Variants in SDK1 observed in about 807,000 individuals in gnomAD.
SDK1 encodes protein sidekick-1.
SDK1 carries 157 observed loss-of-function variants against 245.5 expected under a neutral mutation model. That is an observed-to-expected ratio of 0.64 (90% CI 0.56 to 0.73). The LOEUF (loss-of-function observed/expected upper bound fraction) is 0.73. Ranked by LOEUF, SDK1 falls within the 30% of genes least tolerant of loss-of-function variation. The pLI is 0.00. For missense variants in SDK1, 3,583 were observed against 3,002.3 expected, an observed-to-expected ratio of 1.19 and a Z score of -4.52; for synonymous variants, 1,647 against 1,278.5, an observed-to-expected ratio of 1.29 and a Z score of -6.15.
intron 34 of SDK1, among the ~76,000 whole-genome samples, chr7:4,176,321 C>T (rs530032871): frequency 6.6e-6 from 1 of 152,186 alleles, no homozygotes; most frequent in East Asian, 1.9e-4. Flanking sequence ...GCAACCATGC[C>T]TGGCTAATTG....
chr7:3,538,438 A>G (rs1329608694), intron 1 of SDK1, among the ~76,000 whole-genome samples: 4 of 151,898 alleles, frequency 2.6e-5, no homozygotes, highest in Non-Finnish European at 1.5e-5. Context: ...TATCCTCTTC[A>G]CTCTGAGGCA....
chr7:3,937,989 C>T (rs1009138938), intron 5 of SDK1, among the ~76,000 whole-genome samples: 1 of 152,172 alleles, frequency 6.6e-6, no homozygotes, highest in African/African-American at 2.4e-5. Flanking sequence ...AGGCACCTAC[C>T]ACCACGCCCG....
chr7:3,909,417 G>A lies in SDK1; in HGVS notation c.848-41506G>A, dbSNP rs189731603. Among the ~76,000 whole-genome samples the A allele has an allele frequency of 1.4e-4, 21 of 152,298 alleles. No homozygotes were observed. In the East Asian group the frequency reaches 3.9e-3, roughly 28 times the overall value. On this transcript the variant is annotated intron_variant, in intron 5 of 44. Coordinates refer to ENST00000404826, the MANE Select transcript of SDK1 (RefSeq NM_152744.4). ...AGCAGGGGTGGGTGGAGTAGCCTCTGCCCATCCTGAGGGACCTCCTCCGTC... is the reference window on the plus strand; with the variant it reads ...AGCAGGGGTGGGTGGAGTAGCCTCTACCCATCCTGAGGGACCTCCTCCGTC...
At chr7:3,542,481 G>A (rs988065766) in intron 1 of SDK1, among the ~76,000 whole-genome samples, 1 of 152,196 alleles carries the variant, frequency 6.6e-6, no homozygotes, top group Non-Finnish European at 1.5e-5. Context: ...ACCCAGGGAA[G>A]AGGGGCTGAA....
intron 5 of SDK1, among the ~76,000 whole-genome samples, chr7:3,905,378 C>T (rs1280945269): frequency 6.6e-6 from 1 of 152,104 alleles, no homozygotes; most frequent in Admixed American, 6.6e-5. Context: ...GTATATAAAA[C>T]TCTAGGTTGA....
At chr7:3,755,087 A>G (rs1779881743) in intron 4 of SDK1, among the ~76,000 whole-genome samples, 1 of 152,340 alleles carries the variant, frequency 6.6e-6, no homozygotes, top group South Asian at 2.1e-4. Context: ...CAAGGGAGCC[A>G]TCCTTTGCTC....
chr7:3,386,779 C>A (rs538083058), intron 1 of SDK1, among the ~76,000 whole-genome samples: 1 of 152,294 alleles, frequency 6.6e-6, no homozygotes, highest in Admixed American at 6.5e-5. Context: ...CTGCTGATGG[C>A]AGCTGCTATC....
At chr7:3,914,622 C>G (rs574565411) in intron 5 of SDK1, among the ~76,000 whole-genome samples, 27 of 152,314 alleles carry the variant, frequency 1.8e-4, no homozygotes, top group African/African-American at 6.5e-4. Context: ...TGTGCTCAGT[C>G]ATCTTTCCCA....
At chr7:3,522,230 A>G (rs1782963800) in intron 1 of SDK1, among the ~76,000 whole-genome samples, 1 of 152,016 alleles carries the variant, frequency 6.6e-6, no homozygotes, top group Non-Finnish European at 1.5e-5. Flanking sequence ...TGCTTCACAT[A>G]CTTTTCAGAT....
chr7:4,231,786 A>G (rs1301833463), intron 40 of SDK1, among the ~76,000 whole-genome samples: 2 of 152,180 alleles, frequency 1.3e-5, no homozygotes, highest in Non-Finnish European at 2.9e-5. Flanking sequence ...AGACAGATAC[A>G]ATAGCAATTT....
At chr7:3,694,387 C>G (rs545280584) in intron 4 of SDK1, among the ~76,000 whole-genome samples, 4 of 152,290 alleles carry the variant, frequency 2.6e-5, no homozygotes, top group African/African-American at 9.6e-5. Flanking sequence ...CTCATAGACA[C>G]TCACAGTTAG....
chr7:4,135,160 C>G (rs1212650841), intron 28 of SDK1, among the ~76,000 whole-genome samples: 1 of 152,178 alleles, frequency 6.6e-6, no homozygotes, highest in South Asian at 2.1e-4. Context: ...TTTCTTTTTC[C>G]GATGACAAGA....
intron 5 of SDK1, among the ~76,000 whole-genome samples, chr7:3,887,780 C>T (rs142668534): frequency 3.6e-3 from 553 of 152,250 alleles, no homozygotes; most frequent in Non-Finnish European, 5.5e-3. Context: ...AATATCATCA[C>T]GGGCAGTACT....
chr7:3,893,949 C>T (rs970419175), intron 5 of SDK1, among the ~76,000 whole-genome samples: 5 of 152,120 alleles, frequency 3.3e-5, no homozygotes, highest in Non-Finnish European at 7.3e-5. Context: ...ATCTGAACTG[C>T]CTGTGATGTC....
At chr7:3,933,440 G>C (rs1343072566) in intron 5 of SDK1, among the ~76,000 whole-genome samples, 4 of 152,148 alleles carry the variant, frequency 2.6e-5, no homozygotes, top group Non-Finnish European at 2.9e-5. Context: ...ACGGGATGCT[G>C]TTCCATTCCT....
intron 1 of SDK1, among the ~76,000 whole-genome samples, chr7:3,573,333 G>A (rs891096727): frequency 5.9e-5 from 9 of 152,084 alleles, no homozygotes; most frequent in African/African-American, 1.7e-4. Context: ...ACGCAGAGGC[G>A]GGGCCGGTGG....
chr7:4,131,371 G>A (rs551900665), intron 27 of SDK1, among the ~76,000 whole-genome samples: 3 of 152,178 alleles, frequency 2.0e-5, no homozygotes, highest in South Asian at 2.1e-4. Flanking sequence ...TGAAGTCAGC[G>A]TTTGCGTATC....
intron 5 of SDK1, among the ~76,000 whole-genome samples, chr7:3,921,420 A>T (rs114997164): frequency 3.3e-5 from 5 of 152,210 alleles, no homozygotes; most frequent in Admixed American, 2.6e-4. Context: ...CGGAATGGCA[A>T]ATATTCTTGT....
chr7:4,158,299 C>A, intron 30 of SDK1, 149 bp from the exon 31 acceptor site: 1 of 624,386 alleles, frequency 1.6e-6, no homozygotes, highest in Non-Finnish European at 2.8e-6. Flanking sequence ...GAACAGCCTC[C>A]TTGCTAAGCT....
Sources: allele counts gnomAD v4.1 joint callset (sites outside exome capture counted in the v4.1 genomes callset), GRCh38; gene constraint gnomAD v4.1.1; transcripts MANE v1.5; gene names NCBI Gene and HGNC (gene_info 2026-07-23, HGNC 2026-07-21).